Variants in IPP observed in about 807,000 individuals in gnomAD.
IPP encodes the protein actin-binding protein IPP.
In IPP, 41 loss-of-function variants were observed where a neutral mutation model predicts 64.1. That is an observed-to-expected ratio of 0.64 (90% CI 0.50 to 0.83). The LOEUF (loss-of-function observed/expected upper bound fraction) is 0.83, where lower values mean the gene tolerates loss of function less well. Among genes scored for constraint, IPP ranks in the 40% least tolerant of loss-of-function variants. IPP has a pLI of 0.00. For synonymous variants in IPP, 214 were observed against 235.2 expected, an observed-to-expected ratio of 0.91 and a Z score of 0.83; for missense variants, 649 against 703.0, an observed-to-expected ratio of 0.92 and a Z score of 0.87.
intron 3 of IPP, among the ~76,000 whole-genome samples, chr1:45,732,581 C>T (rs1159720562): frequency 6.6e-6 from 1 of 151,948 alleles, no homozygotes; most frequent in Non-Finnish European, 1.5e-5. Context: ...AATACTGTAA[C>T]ATTAGAAGAT....
At chr1:45,720,278 C>T (rs748939287) in intron 5 of IPP, among the ~76,000 whole-genome samples, 2 of 151,984 alleles carry the variant, frequency 1.3e-5, no homozygotes, top group Non-Finnish European at 2.9e-5. Flanking sequence ...AGGAGTAAAT[C>T]TAACCAAAGA....
chr1:45,717,116 A>G lies in IPP; in HGVS notation c.1187-99T>C, dbSNP rs373896802. 46 of 1,097,542 alleles carry G rather than the reference A, an allele frequency of 4.2e-5. No homozygotes were observed. In the African/African-American group the frequency reaches 6.1e-4, roughly 15 times the overall value. 68.0% of individuals were successfully genotyped at this position (1,097,542 alleles called of 1,614,324 possible). On this transcript the variant is annotated intron_variant, in intron 6 of 8. Transcript: ENST00000396478. ...CTAAACCAAATACTTCATATTATAG[A>G]TATCACATGAGCCAAAGAGGTTATC...
chr1:45,723,579 A>G (rs1245099984), intron 5 of IPP, among the ~76,000 whole-genome samples: 1 of 152,248 alleles, frequency 6.6e-6, no homozygotes, highest in Non-Finnish European at 1.5e-5. Flanking sequence ...AAGACTATAC[A>G]GAATTGTGCT....
intron 2 of IPP, among the ~76,000 whole-genome samples, chr1:45,742,458 A>G (rs981807460): frequency 1.3e-4 from 20 of 152,244 alleles, no homozygotes; most frequent in Non-Finnish European, 2.8e-4. Flanking sequence ...TGTAACAGAC[A>G]TTTACTGAGG....
intron 3 of IPP, among the ~76,000 whole-genome samples, chr1:45,735,737 C>A (rs372948994): frequency 6.3e-5 from 7 of 111,788 alleles, no homozygotes; most frequent in African/African-American, 2.3e-4. Flanking sequence ...TCAAGCAATT[C>A]TCCTGCCTCA....
intron 5 of IPP, among the ~76,000 whole-genome samples, 182 bp from the exon 6 acceptor site, chr1:45,719,522 T>C (rs1645703787): frequency 6.6e-6 from 1 of 152,252 alleles, no homozygotes; most frequent in Non-Finnish European, 1.5e-5. Context: ...CACTGTCATT[T>C]ATTAAAGCCC....
chr1:45,714,385 C>A lies in IPP; in HGVS notation c.1391G>T (p.Arg464Leu), dbSNP rs755319684. ...TCCCATTGGAGGAAGTGGAGACCAA[C>A]GCTTAGAAAGTGGATCATAGACTTC... The part of the protein sequence containing the change: ...SFEVYDPLSK[R>L]WSPLPPMGTR... The change falls in exon 8 of 9, where the codon CGT becomes CTT. Residue 464 changes from arginine (R) to leucine (L), a missense_variant. Arg to Leu is a moderately radical substitution (Grantham distance 102). Transcript: ENST00000396478. 6.2e-7 allele frequency: 1 copy of A among 1,613,980 alleles called. No homozygotes were observed. Among genetic ancestry groups the A allele is most frequent in the Non-Finnish European group, 8.5e-7 (1 of 1,179,824 alleles).
At chr1:45,715,394 C>G (rs1387294725) in intron 7 of IPP, among the ~76,000 whole-genome samples, 1 of 151,912 alleles carries the variant, frequency 6.6e-6, no homozygotes, top group Non-Finnish European at 1.5e-5. Context: ...GTAATCCCAG[C>G]ACTTTAGGGG....
intron 8 of IPP, among the ~76,000 whole-genome samples, chr1:45,712,866 A>AG (rs1645608617): frequency 7.7e-6 from 1 of 130,216 alleles, no homozygotes; most frequent in African/African-American, 3.2e-5. Flanking sequence ...AAAAAAAAAG[A>AG]AAAAAAAAAA....
intron 3 of IPP, among the ~76,000 whole-genome samples, chr1:45,731,613 A>G (rs1208744121): frequency 6.6e-6 from 1 of 152,146 alleles, no homozygotes; most frequent in Non-Finnish European, 1.5e-5. Context: ...TATGAGCAAG[A>G]TATCAAGAAA....
chr1:45,714,017 A>G (rs1479382436), intron 8 of IPP, among the ~76,000 whole-genome samples: 1 of 152,198 alleles, frequency 6.6e-6, no homozygotes, highest in Non-Finnish European at 1.5e-5. Context: ...GAGCAAACTC[A>G]ATCAAAAACA....
rs1645547253 is a variant in IPP at position 45,708,679 on chromosome 1, C to CCAA, written c.1530+5566_1530+5567insTTG. On this transcript the variant is annotated intron_variant, in intron 8 of 8. Coordinates refer to ENST00000396478, the MANE Select transcript of IPP (RefSeq NM_005897.3). The stretch of plus-strand genomic sequence containing the variant: ...GGGTGATGAGAGTGAAACTCACCTC[C>CCAA]AAAAAAAAAAAAAAAAAAAAGCAAC... Among the ~76,000 whole-genome samples, 2 of 36,056 alleles carry CCAA rather than the reference C, an allele frequency of 5.5e-5. 1 individual carries two copies. The highest frequency in any genetic ancestry group is 1.9e-4 in the African/African-American group (2 of 10,606). The allele number at this position is 36,056 out of a possible 152,430, so 23.7% of individuals were successfully genotyped here. A position where few individuals can be genotyped will look rare whatever the true frequency, so the allele number is the denominator to read the frequency against.
In IPP at chr1:45,740,886, T is replaced by C. The variant is rs778901447; in HGVS notation, c.724+15A>G. 30 of 1,489,500 alleles carry C rather than the reference T, an allele frequency of 2.0e-5. No individual in the cohort carries two copies. The highest frequency in any genetic ancestry group is 1.8e-4 in the Middle Eastern group (1 of 5,638). 92.3% of individuals were successfully genotyped at this position (1,489,500 alleles called of 1,614,324 possible). On this transcript the variant is annotated intron_variant, in intron 3 of 8. Coordinates refer to ENST00000396478, the MANE Select transcript of IPP (RefSeq NM_005897.3). ...ATAATTAATCAACTAATTCGATATATAGCAAAAAAGTTACCTTCTATATAC... is the reference window on the plus strand; with the variant it reads ...ATAATTAATCAACTAATTCGATATACAGCAAAAAAGTTACCTTCTATATAC...
rs529854602 is a variant in IPP, at chr1:45,745,053, C to G, written c.292+1067G>C. Among the ~76,000 whole-genome samples, 9 of 151,996 alleles carry G rather than the reference C, an allele frequency of 5.9e-5. No individual in the cohort carries two copies. In the East Asian group the frequency reaches 7.7e-4, roughly 13 times the overall value. The stretch of plus-strand genomic sequence containing the variant: ...TCCAGCCTAGACAACAGAGAGAGAC[C>G]CTGTCTCAAACAAAATTTTTTTTGT... On this transcript the variant is annotated intron_variant, in intron 2 of 8. Coordinates refer to ENST00000396478, the MANE Select transcript of IPP (RefSeq NM_005897.3).
At chr1:45,746,985 G>C (rs778017719) in intron 1 of IPP, among the ~76,000 whole-genome samples, 4 of 152,250 alleles carry the variant, frequency 2.6e-5, no homozygotes, top group Non-Finnish European at 4.4e-5. Context: ...CTCTGGAATT[G>C]TGGAAATATG....
chr1:45,733,763 C>A (rs189479989), intron 3 of IPP, among the ~76,000 whole-genome samples: 1 of 150,342 alleles, frequency 6.7e-6, no homozygotes, highest in African/African-American at 2.4e-5. Context: ...ACCTGGGAGG[C>A]GGAGGTTGTA....
chr1:45,697,455 T>C (rs1445678740), downstream of IPP: 2 of 151,962 alleles, frequency 1.3e-5, no homozygotes, highest in East Asian at 3.9e-4. Context: ...TTTCACCATG[T>C]TGGCAAGACT....
At chr1:45,722,560 G>GAAATAA (rs139499821) in intron 5 of IPP, among the ~76,000 whole-genome samples, 42,789 of 150,996 alleles carry the variant, frequency 0.28, 6,138 homozygotes, top group South Asian at 0.37. Flanking sequence ...ATAAAAAAAT[G>GAAATAA]AAATAAAAAT....
downstream of IPP, chr1:45,694,535 C>T (rs1234181735): frequency 4.3e-6 from 6 of 1,399,556 alleles, no homozygotes; most frequent in African/African-American, 8.6e-5. Flanking sequence ...AAAGGTAGTT[C>T]CATTGAGTTT....
Sources: allele counts gnomAD v4.1 joint callset (sites outside exome capture counted in the v4.1 genomes callset), GRCh38; gene constraint gnomAD v4.1.1; transcripts MANE v1.5; gene names NCBI Gene and HGNC (gene_info 2026-07-23, HGNC 2026-07-21).